The following SLC1A2 variants were observed in gnomAD, a reference collection of about 807,000 sequenced individuals.
SLC1A2 encodes the protein solute carrier family 1 member 2.
A neutral mutation model predicts 48.8 loss-of-function variants in SLC1A2; 15 were observed. That is an observed-to-expected ratio of 0.31 (90% CI 0.21 to 0.47). The LOEUF (loss-of-function observed/expected upper bound fraction) is 0.47. Ranked by LOEUF, SLC1A2 falls within the 20% of genes least tolerant of loss-of-function variation. SLC1A2 has a pLI of 0.99. For missense variants in SLC1A2, 502 were observed against 730.5 expected, an observed-to-expected ratio of 0.69 and a Z score of 3.61; for synonymous variants, 279 against 272.6, an observed-to-expected ratio of 1.02 and a Z score of -0.23.
intron 1 of SLC1A2, among the ~76,000 whole-genome samples, chr11:35,366,549 A>C (rs559567481): frequency 6.6e-6 from 1 of 152,206 alleles, no homozygotes. Context: ...GAATTTCTCC[A>C]TGGGACTGAA....
rs1950330469 is a variant in SLC1A2, at chr11:35,257,584, A to G, written c.*3310T>C. 1 of 152,236 alleles carries G rather than the reference A, an allele frequency of 6.6e-6. No individual in the cohort carries two copies. The allele number at this position is 152,236 out of a possible 1,614,324, so 9.4% of individuals were successfully genotyped here. ...CTCTTTGTATGGGAAGCATGCCCTC[A>G]AAGATCTAAGGTAAAGTATTACCTT... is the stretch of plus-strand genomic sequence containing the variant. On this transcript the variant is annotated 3_prime_UTR_variant, in exon 11 of 11. Coordinates refer to ENST00000278379, the MANE Select transcript of SLC1A2 (RefSeq NM_004171.4).
chr11:35,414,900 A>G (rs1855563970), intron 1 of SLC1A2, among the ~76,000 whole-genome samples: 1 of 152,244 alleles, frequency 6.6e-6, no homozygotes, highest in Admixed American at 6.5e-5. Context: ...CCAATGGGAG[A>G]AAAATTCAAT....
At chr11:35,280,190 C>T (rs574616842) in intron 9 of SLC1A2, among the ~76,000 whole-genome samples, 111 of 152,030 alleles carry the variant, frequency 7.3e-4, no homozygotes, top group Non-Finnish European at 1.4e-3. Context: ...TAGGCAGAGT[C>T]GCACTCTGTC....
chr11:35,303,972 C>T (rs1851428815), intron 5 of SLC1A2, among the ~76,000 whole-genome samples: 1 of 152,198 alleles, frequency 6.6e-6, no homozygotes, highest in Non-Finnish European at 1.5e-5. Context: ...CTTATTTCAG[C>T]CATGATTTGT....
rs1041905849 is a variant in SLC1A2, at chr11:35,292,273, C to A, written c.1091+14G>T. ...GAGTGAGCAAAGAGAAAGGTGATTT[C>A]TTTTGTTCTCTACCTGGAAGCGGTG... is the stretch of plus-strand genomic sequence containing the variant. On this transcript the variant is annotated intron_variant, in intron 7 of 10. Transcript: ENST00000278379. 8 of 1,582,668 alleles carry A rather than the reference C, an allele frequency of 5.1e-6. No homozygotes were observed. Among genetic ancestry groups the A allele is most frequent in the Middle Eastern group, 1.7e-4 (1 of 5,794 alleles).
intron 8 of SLC1A2, among the ~76,000 whole-genome samples, chr11:35,285,108 T>C (rs1398297065): frequency 5.3e-5 from 8 of 152,248 alleles, no homozygotes; most frequent in Non-Finnish European, 2.9e-5. Flanking sequence ...TATTGCCCCT[T>C]CTAATGCCCA....
In SLC1A2 at chr11:35,417,687, CA is replaced by C. The variant is rs879271100; in HGVS notation, c.17+1262del. On this transcript the variant is annotated intron_variant, in intron 1 of 10. Transcript: ENST00000278379. Reference sequence around the variant, plus strand: ...CTGCAAAATAGGGCAAAGGGAGAGACAAAATTTCATGCAATGACAAGATGCC... The same window carrying C: ...CTGCAAAATAGGGCAAAGGGAGAGACAAATTTCATGCAATGACAAGATGCC... Among the ~76,000 whole-genome samples, 22 of 152,228 alleles carry C rather than the reference CA, an allele frequency of 1.4e-4. 1 individual carries two copies. The highest frequency in any genetic ancestry group is 1.2e-3 in the Admixed American group (18 of 15,294).
At chr11:35,295,707 C>T (rs1851149480) in intron 6 of SLC1A2, among the ~76,000 whole-genome samples, 1 of 152,220 alleles carries the variant, frequency 6.6e-6, no homozygotes, top group South Asian at 2.1e-4. Flanking sequence ...GCCACAGATT[C>T]ATCCAGGACT....
At chr11:35,388,477 C>T (rs1854652147) in intron 1 of SLC1A2, among the ~76,000 whole-genome samples, 1 of 152,234 alleles carries the variant, frequency 6.6e-6, no homozygotes, top group Non-Finnish European at 1.5e-5. Context: ...TCACTGCAAC[C>T]TTGACCTCCC....
intron 1 of SLC1A2, among the ~76,000 whole-genome samples, chr11:35,359,425 G>T (rs937547392): frequency 6.6e-6 from 1 of 152,188 alleles, no homozygotes; most frequent in East Asian, 1.9e-4. Flanking sequence ...AAAGCTGTCA[G>T]CTGCTTTAAA....
At chr11:35,348,229 G>GT (rs1853112350) in intron 1 of SLC1A2, among the ~76,000 whole-genome samples, 1 of 152,142 alleles carries the variant, frequency 6.6e-6, no homozygotes, top group Non-Finnish European at 1.5e-5. Flanking sequence ...TGGGCCATCT[G>GT]TTTTTAATAA....
intron 9 of SLC1A2, among the ~76,000 whole-genome samples, chr11:35,280,218 G>A (rs1850582150): frequency 6.6e-6 from 1 of 152,098 alleles, no homozygotes; most frequent in Non-Finnish European, 1.5e-5. Flanking sequence ...CTAGAGGGCA[G>A]TGGCACAGTC....
chr11:35,291,066 A>G (rs1239964253), intron 7 of SLC1A2, among the ~76,000 whole-genome samples: 1 of 152,202 alleles, frequency 6.6e-6, no homozygotes, highest in African/African-American at 2.4e-5. Context: ...CTAGCATTGC[A>G]TGGGCACAGG....
chr11:35,393,647 G>A (rs758943663), intron 1 of SLC1A2, among the ~76,000 whole-genome samples: 2 of 152,184 alleles, frequency 1.3e-5, no homozygotes, highest in East Asian at 1.9e-4. Context: ...ACGGGCAATA[G>A]GCATTCAGAC....
chr11:35,381,148 T>C (rs1222267495), intron 1 of SLC1A2, among the ~76,000 whole-genome samples: 1 of 152,138 alleles, frequency 6.6e-6, no homozygotes, highest in East Asian at 1.9e-4. Flanking sequence ...GGGCAGCTTT[T>C]TGGGCAGCCA....
chr11:35,407,021 G>A (rs778170870), intron 1 of SLC1A2, among the ~76,000 whole-genome samples: 6 of 152,042 alleles, frequency 3.9e-5, no homozygotes, highest in Non-Finnish European at 8.8e-5. Flanking sequence ...AATGATGAAG[G>A]GTTAAGGGAA....
chr11:35,365,213 G>C (rs374880816), intron 1 of SLC1A2, among the ~76,000 whole-genome samples: 4 of 152,266 alleles, frequency 2.6e-5, no homozygotes, highest in Admixed American at 6.5e-5. Context: ...AAATAATACA[G>C]CAAAGGTGCT....
At chr11:35,350,497 T>C (rs533749423) in intron 1 of SLC1A2, among the ~76,000 whole-genome samples, 3 of 152,336 alleles carry the variant, frequency 2.0e-5, no homozygotes, top group South Asian at 4.1e-4. Flanking sequence ...GTTGTGAATC[T>C]TGCCCAAGGT....
intron 1 of SLC1A2, among the ~76,000 whole-genome samples, chr11:35,402,644 C>A (rs1419961380): frequency 6.6e-6 from 1 of 152,128 alleles, no homozygotes; most frequent in Non-Finnish European, 1.5e-5. Flanking sequence ...GTCAGAAGTA[C>A]CAGAGACAAC....
Sources: allele counts gnomAD v4.1 joint callset (sites outside exome capture counted in the v4.1 genomes callset), GRCh38; gene constraint gnomAD v4.1.1; transcripts MANE v1.5; gene names NCBI Gene and HGNC (gene_info 2026-07-23, HGNC 2026-07-21).